The following RDH12 variants were observed in gnomAD, a reference collection of about 807,000 sequenced individuals.
RDH12 encodes the protein all-trans and 9-cis retinol dehydrogenase.
In RDH12, 21 loss-of-function variants were observed where a neutral mutation model predicts 34.0. The ratio of observed to expected loss-of-function variants is 0.62; its 90% CI spans 0.44 to 0.89. RDH12 has a LOEUF of 0.89. RDH12 is among the 40% of genes least tolerant of loss of function. The pLI, the probability that RDH12 is intolerant of heterozygous loss-of-function variation, is 0.00. For missense variants in RDH12, 394 were observed against 398.6 expected (o/e 0.99, Z 0.10); for synonymous variants, 198 against 169.9 (o/e 1.17, Z -1.29).
intron 1 of RDH12, among the ~76,000 whole-genome samples, chr14:67,720,572 C>T (rs939841260): frequency 6.6e-6 from 1 of 152,194 alleles, no homozygotes; most frequent in Non-Finnish European, 1.5e-5. Flanking sequence ...TTAATTAAAT[C>T]ATCTGTCCCT....
intron 1 of RDH12, among the ~76,000 whole-genome samples, chr14:67,704,360 T>G (rs1017594779): frequency 6.6e-6 from 1 of 152,194 alleles, no homozygotes; most frequent in African/African-American, 2.4e-5. Flanking sequence ...TTTAAAATAA[T>G]TTTTTTAGAA....
intron 3 of RDH12, among the ~76,000 whole-genome samples, chr14:67,723,132 C>A (rs1477526922): frequency 6.6e-6 from 1 of 152,202 alleles, no homozygotes; most frequent in African/African-American, 2.4e-5. Context: ...GGGAAAGAAA[C>A]AAACTCTTCT....
intron 1 of RDH12, among the ~76,000 whole-genome samples, chr14:67,718,652 C>T (rs1254224855): frequency 1.3e-5 from 2 of 152,202 alleles, no homozygotes; most frequent in East Asian, 3.8e-4. Flanking sequence ...CAGGCCTATT[C>T]CTACACTGGT....
intron 8 of RDH12, among the ~76,000 whole-genome samples, chr14:67,733,008 T>C (rs1404982862): frequency 6.6e-6 from 1 of 152,064 alleles, no homozygotes; most frequent in Non-Finnish European, 1.5e-5. Flanking sequence ...CATTAGGAGA[T>C]ATACCTAATG....
At chr14:67,722,326 T>G in intron 2 of RDH12, 98 bp from the exon 3 acceptor site, 1 of 459,648 alleles carries the variant, frequency 2.2e-6, no homozygotes, top group East Asian at 4.2e-5. Flanking sequence ...CAATTGAGGA[T>G]GGGGGGTTTA....
intron 1 of RDH12, among the ~76,000 whole-genome samples, chr14:67,703,301 G>A (rs2037919761): frequency 6.6e-6 from 1 of 152,172 alleles, no homozygotes; most frequent in African/African-American, 2.4e-5. Context: ...TTTTGGGTAA[G>A]GTAGTTCGAT....
chr14:67,710,798 A>T lies in RDH12; in HGVS notation c.-275+8863A>T, dbSNP rs926775602. On this transcript the variant is annotated intron_variant, in intron 1 of 8. Coordinates refer to ENST00000551171, the MANE Select transcript of RDH12 (RefSeq NM_152443.3). ...AAAATACCCAAATAATGAAATATCT[A>T]TTATCTAATTTAATATAACTTTAGA... 2.0e-5 allele frequency among the ~76,000 whole-genome samples: 3 copies of T among 152,042 alleles called. No individual in the cohort carries two copies. The East Asian group carries it at 5.8e-4, about 29-fold the overall frequency.
At chr14:67,724,049 A>T (rs984522304) in intron 3 of RDH12, among the ~76,000 whole-genome samples, 6 of 152,262 alleles carry the variant, frequency 3.9e-5, no homozygotes, top group Non-Finnish European at 7.3e-5. Flanking sequence ...AGTGCTGTTC[A>T]TCAGTTACTC....
intron 1 of RDH12, among the ~76,000 whole-genome samples, chr14:67,711,918 A>T (rs927012291): frequency 2.6e-5 from 4 of 152,130 alleles, no homozygotes; most frequent in African/African-American, 9.7e-5. Flanking sequence ...TTAGATAGGG[A>T]CTACCTATCT....
chr14:67,716,112 G>A (rs1360055373), intron 1 of RDH12, among the ~76,000 whole-genome samples: 2 of 151,962 alleles, frequency 1.3e-5, no homozygotes, highest in Non-Finnish European at 1.5e-5. Context: ...CAGGAGAATG[G>A]CGTGAACCTG....
chr14:67,724,391 A>C, intron 3 of RDH12, 82 bp from the exon 4 acceptor site: 1 of 795,186 alleles, frequency 1.3e-6, no homozygotes, highest in Admixed American at 2.4e-5. Context: ...GGCTGGATAG[A>C]GTTTTTTTTT....
At chr14:67,723,217 A>T (rs7149133) in intron 3 of RDH12, among the ~76,000 whole-genome samples, 62,667 of 152,056 alleles carry the variant, frequency 0.41, 14,353 homozygotes, top group East Asian at 0.68. Flanking sequence ...GTCAAATAAA[A>T]GTGTGTTCTG....
rs771292996 is a variant in RDH12, at chr14:67,729,428, G to A, written c.848+48G>A. On this transcript the variant is annotated intron_variant, in intron 8 of 8. Coordinates refer to ENST00000551171, the MANE Select transcript of RDH12 (RefSeq NM_152443.3). ...TCTCCACCACCTGTGTGCATGGGAG[G>A]TGCCGGACTCGCTGGGCTGTTCATC... The A allele has an allele frequency of 1.2e-5, 18 of 1,560,402 alleles. No homozygotes were observed. The African/African-American group carries it at 1.5e-4, about 13-fold the overall frequency.
rs769014554 is a variant in RDH12, at chr14:67,717,185, T to A, written c.-274-3663T>A. Among the ~76,000 whole-genome samples, 7 of 152,194 alleles carry A rather than the reference T, an allele frequency of 4.6e-5. No individual in the cohort carries two copies. The South Asian group carries it at 1.4e-3, about 31-fold the overall frequency. ...ATTTGTATACAGTGAAAGGCACAAG[T>A]CTTAAGTATATATTTGCTGTTTTGA... On this transcript the variant is annotated intron_variant, in intron 1 of 8. Transcript: ENST00000551171.
chr14:67,720,111 C>T (rs996599970), intron 1 of RDH12, among the ~76,000 whole-genome samples: 4 of 152,296 alleles, frequency 2.6e-5, no homozygotes, highest in Non-Finnish European at 5.9e-5. Context: ...TCTTTTTGAC[C>T]TTTGGCAATC....
At chr14:67,707,913 C>T (rs940863715) in intron 1 of RDH12, among the ~76,000 whole-genome samples, 10 of 149,964 alleles carry the variant, frequency 6.7e-5, no homozygotes, top group African/African-American at 2.5e-4. Context: ...GCCAATTTTT[C>T]CAAGGGGCTA....
intron 1 of RDH12, among the ~76,000 whole-genome samples, chr14:67,708,660 G>A (rs2037976676): frequency 2.0e-5 from 3 of 151,938 alleles, no homozygotes; most frequent in Admixed American, 6.6e-5. Flanking sequence ...ACACATACCA[G>A]TAACATATTT....
At chr14:67,712,640 C>G (rs2038022735) in intron 1 of RDH12, among the ~76,000 whole-genome samples, 1 of 151,784 alleles carries the variant, frequency 6.6e-6, no homozygotes, top group Non-Finnish European at 1.5e-5. Flanking sequence ...TTTAAAAAAT[C>G]TTTTAAAATC....
intron 8 of RDH12, chr14:67,729,913 A>T (rs976500960): frequency 4.6e-6 from 2 of 431,184 alleles, no homozygotes; most frequent in African/African-American, 2.0e-5. Context: ...GCCCAGGGTG[A>T]AATCTCTTTC....
Sources: allele counts gnomAD v4.1 joint callset (sites outside exome capture counted in the v4.1 genomes callset), GRCh38; gene constraint gnomAD v4.1.1; transcripts MANE v1.5; gene names NCBI Gene and HGNC (gene_info 2026-07-23, HGNC 2026-07-21).